DCLRE1A: variants seen among roughly 807,000 people sequenced by gnomAD.
DCLRE1A encodes DNA cross-link repair 1A.
In DCLRE1A, 64 loss-of-function variants were observed where a neutral mutation model predicts 91.9. The ratio of observed to expected loss-of-function variants is 0.70; its 90% CI spans 0.57 to 0.86. The LOEUF (loss-of-function observed/expected upper bound fraction) is 0.86, where lower values mean the gene tolerates loss of function less well. Ranked by LOEUF, DCLRE1A falls within the 40% of genes least tolerant of loss-of-function variation. The probability of loss-of-function intolerance (pLI) is 0.00; values close to 1 mark genes in which losing one functional copy is unlikely to be tolerated. For missense variants in DCLRE1A, 1,145 were observed against 1,213.3 expected (o/e 0.94, Z 0.84); for synonymous variants, 416 against 431.1 (o/e 0.96, Z 0.43).
Position 113,845,747 on chromosome 10 carries a change from T to C in DCLRE1A, c.2316A>G (p.Pro772=). 1 of 1,614,150 alleles carries C rather than the reference T, an allele frequency of 6.2e-7. No individual in the cohort carries two copies. The highest frequency in any genetic ancestry group is 1.3e-5 in the African/African-American group (1 of 75,048). The part of the protein sequence containing the change: ...KLHVQEQYIH[P]LPLDTECIVN... The stretch of plus-strand genomic sequence containing the variant: ...CAATACATTCAGTGTCCAGTGGCAA[T>C]GGGTGAATATATTGTTCTTGCACAT... Residue 772 remains proline, a synonymous_variant, in exon 4 of 9, where the codon CCA becomes CCG. Transcript: ENST00000361384.
Position 113,850,593 on chromosome 10 carries a change from C to A in DCLRE1A, c.512G>T (p.Arg171Ile). The A allele has an allele frequency of 6.2e-7, 1 of 1,613,808 alleles. No individual in the cohort carries two copies. The highest frequency in any genetic ancestry group is 1.1e-5 in the South Asian group (1 of 91,046). Residue 171 changes from arginine to isoleucine, a missense_variant, in exon 2 of 9, where the codon AGA (arginine) becomes ATA (isoleucine). Arg to Ile is a moderately conservative substitution (Grantham distance 97). Transcript: ENST00000361384. Reference sequence around the variant, plus strand: ...TTGAGCTAGCAGGAAGTGAGTGTATCTCTTGTAATGAAAAGGAATGGTTGA... The same window carrying A: ...TTGAGCTAGCAGGAAGTGAGTGTATATCTTGTAATGAAAAGGAATGGTTGA... ...CTSTIPFHYK[R>I]YTHFLLAQSR...
chr10:113,847,156 A>C (rs1388465286), intron 3 of DCLRE1A, 46 bp downstream of exon 3: 1 of 1,476,808 alleles, frequency 6.8e-7, no homozygotes, highest in Non-Finnish European at 9.1e-7. Context: ...TTGCTTAGAA[A>C]TTCACAGCAT....
Position 113,837,143 on chromosome 10 carries a change from G to A in DCLRE1A, c.2881C>T (p.Pro961Ser), listed in dbSNP as rs779860243. Reference protein sequence around the residue: ...GKYNQILAFRPTGWTHSNKFT... With the variant: ...GKYNQILAFRSTGWTHSNKFT... ...TTGTTAGAGTGTGTCCATCCTGTAGGTCGAAATGCCAAAATCTGATTGTAT... is the reference window on the plus strand; with the variant it reads ...TTGTTAGAGTGTGTCCATCCTGTAGATCGAAATGCCAAAATCTGATTGTAT... Residue 961 changes from proline (P) to serine (S), a missense_variant, in exon 8 of 9, where the codon CCT becomes TCT. Physicochemically the swap from Pro to Ser is moderately conservative, Grantham distance 74. Coordinates refer to ENST00000361384, the MANE Select transcript of DCLRE1A (RefSeq NM_014881.5). 12 of 1,613,394 alleles carry A rather than the reference G, an allele frequency of 7.4e-6. No homozygotes were observed. The highest frequency in any genetic ancestry group is 8.5e-7 in the Non-Finnish European group (1 of 1,179,718).
chr10:113,849,210 T>C lies in DCLRE1A; in HGVS notation c.1895A>G (p.Gln632Arg), dbSNP rs141907465. 3.1e-6 allele frequency: 5 copies of C among 1,613,978 alleles called. No individual in the cohort carries two copies. In the African/African-American group the frequency reaches 5.3e-5, roughly 17 times the overall value. Reference protein sequence around the residue: ...LSVELSSERSQRQKKRCRKSN... With the variant: ...LSVELSSERSRRQKKRCRKSN... Reference sequence around the variant, plus strand: ...CTTTCTACATCTCTTTTTTTGACGCTGTGACCTCTCACTAGAAAGTTCCAC... The same window carrying C: ...CTTTCTACATCTCTTTTTTTGACGCCGTGACCTCTCACTAGAAAGTTCCAC... The change falls in exon 2 of 9, where the codon CAG (glutamine) becomes CGG (arginine). Residue 632 changes from glutamine (Q) to arginine (R), a missense_variant. Transcript: ENST00000361384.
Position 113,834,862 on chromosome 10 carries a change from A to G in DCLRE1A, c.*290T>C, listed in dbSNP as rs935563300. 8.3e-6 allele frequency: 2 copies of G among 241,576 alleles called. No individual in the cohort carries two copies. Among genetic ancestry groups the G allele is most frequent in the African/African-American group, 4.5e-5 (2 of 44,704 alleles). The allele number at this position is 241,576 out of a possible 1,614,324, so 15.0% of individuals were successfully genotyped here. A position where few individuals can be genotyped will look rare whatever the true frequency, so the allele number is the denominator to read the frequency against. ...TATCATTAATCCTTTTGGTCCCTGA[A>G]TCTGCCTTTGCTTCCTCTTCTAAGG... On this transcript the variant is annotated 3_prime_UTR_variant, in exon 9 of 9. Transcript: ENST00000361384.
rs1845630975 is a variant in DCLRE1A, at chr10:113,850,510, T to C, written c.595A>G (p.Ser199Gly). 6.2e-7 allele frequency: 1 copy of C among 1,614,106 alleles called. No homozygotes were observed. Among genetic ancestry groups the C allele is most frequent in the African/African-American group, 1.3e-5 (1 of 75,058 alleles). ...CAAAGGACGCCTGACTTAGTCTCAC[T>C]GAAACTGCCACCTGACGCAGGTGAT... ...SPSPASGGSF[S>G]ETKSGVLCSL... The change falls in exon 2 of 9, where the codon AGT becomes GGT. Residue 199 changes from serine (S) to glycine (G), a missense_variant. Physicochemically the swap from Ser to Gly is moderately conservative, Grantham distance 56. Coordinates refer to ENST00000361384, the MANE Select transcript of DCLRE1A (RefSeq NM_014881.5).
chr10:113,853,492 G>C lies in DCLRE1A; in HGVS notation c.-310C>G. 1 of 219,688 alleles carries C rather than the reference G, an allele frequency of 4.6e-6. No individual in the cohort carries two copies. The highest frequency in any genetic ancestry group is 1.1e-4 in the East Asian group (1 of 9,364). 13.6% of individuals were successfully genotyped at this position (219,688 alleles called of 1,614,324 possible). A position where few individuals can be genotyped will look rare whatever the true frequency, so the allele number is the denominator to read the frequency against. On this transcript the variant is annotated 5_prime_UTR_variant, in exon 1 of 9. Coordinates refer to ENST00000361384, the MANE Select transcript of DCLRE1A (RefSeq NM_014881.5). The stretch of plus-strand genomic sequence containing the variant: ...CATTCAAATATCTTGTCCTTTTCCA[G>C]GGCTTGATTCATAAAAATAATACTT...
At chr10:113,848,373 G>C (rs1845576900) in intron 2 of DCLRE1A, among the ~76,000 whole-genome samples, 1 of 152,078 alleles carries the variant, frequency 6.6e-6, no homozygotes, top group South Asian at 2.1e-4. Flanking sequence ...AAACACCACT[G>C]ATGTTATGAA....
chr10:113,837,270 A>G, intron 7 of DCLRE1A, 67 bp from the exon 8 acceptor site: 1 of 1,459,422 alleles, frequency 6.9e-7, no homozygotes, highest in Non-Finnish European at 9.2e-7. Flanking sequence ...CAGACTGATT[A>G]AAGATGTTAT....
At position 113,839,361 on chromosome 10, in the gene DCLRE1A, G is replaced by A. The variant is rs567182449; in HGVS notation, c.2820+2045C>T. On this transcript the variant is annotated intron_variant, in intron 7 of 8. Transcript: ENST00000361384. ...AAAAAAAAAAAAAAAGAAATCTTCC[G>A]AAAATATTTGGGTAAATGAGGGACA... 6.8e-4 allele frequency among the ~76,000 whole-genome samples: 96 copies of A among 140,578 alleles called. No homozygotes were observed. In the South Asian group the frequency reaches 7.8e-3, roughly 11 times the overall value. The allele number at this position is 140,578 out of a possible 152,430, so 92.2% of individuals were successfully genotyped here. A position where few individuals can be genotyped will look rare whatever the true frequency, so the allele number is the denominator to read the frequency against.
chr10:113,852,860 T>C lies in DCLRE1A; in HGVS notation c.323A>G (p.Gln108Arg), dbSNP rs1845679755. 6.2e-7 allele frequency: 1 copy of C among 1,614,058 alleles called. No individual in the cohort carries two copies. Among genetic ancestry groups the C allele is most frequent in the Non-Finnish European group, 8.5e-7 (1 of 1,180,030 alleles). ...PGKLCRTQKS[Q>R]HVSPKIRPVY... The stretch of plus-strand genomic sequence containing the variant: ...TGGACGTATCTTTGGGGACACGTGT[T>C]GGCTTTTTTGAGTTCTACAGAGTTT... Residue 108 changes from glutamine to arginine, a missense_variant, in exon 1 of 9, where the codon CAA (glutamine) becomes CGA (arginine). Transcript: ENST00000361384.
intron 1 of DCLRE1A, among the ~76,000 whole-genome samples, chr10:113,851,695 A>G (rs978170540): frequency 3.3e-5 from 5 of 151,528 alleles, no homozygotes; most frequent in Non-Finnish European, 5.9e-5. Flanking sequence ...AAACATAACC[A>G]TATTTAGAAA....
chr10:113,838,694 G>A (rs923532901), intron 7 of DCLRE1A, among the ~76,000 whole-genome samples: 1 of 152,112 alleles, frequency 6.6e-6, no homozygotes, highest in African/African-American at 2.4e-5. Context: ...AACACTTTTA[G>A]CAATGTTACT....
At chr10:113,838,430 AT>A (rs757533737) in intron 7 of DCLRE1A, among the ~76,000 whole-genome samples, 1 of 152,224 alleles carries the variant, frequency 6.6e-6, no homozygotes, top group South Asian at 2.1e-4. Flanking sequence ...ATGATAACTA[AT>A]ATTTGCTTTT....
Position 113,847,201 on chromosome 10 carries a change from C to A in DCLRE1A, c.2259+1G>T. On this transcript the variant is annotated splice_donor_variant, in intron 3 of 8. Transcript: ENST00000361384. LOFTEE classifies it high-confidence loss of function. ...TCAAAAGTTAGAATACTAAAACTTACCTCACTACAATAAACTGGAAATGTG... is the reference window on the plus strand; with the variant it reads ...TCAAAAGTTAGAATACTAAAACTTAACTCACTACAATAAACTGGAAATGTG... The A allele has an allele frequency of 6.3e-7, 1 of 1,596,598 alleles. No individual in the cohort carries two copies. The highest frequency in any genetic ancestry group is 1.3e-5 in the African/African-American group (1 of 74,794).
At chr10:113,839,108 G>C (rs906725852) in intron 7 of DCLRE1A, among the ~76,000 whole-genome samples, 1 of 152,014 alleles carries the variant, frequency 6.6e-6, no homozygotes, top group East Asian at 1.9e-4. Context: ...GGCAGATCAC[G>C]AGGTCAGGAG....
Position 113,849,714 on chromosome 10 carries a change from A to C in DCLRE1A, c.1391T>G (p.Leu464Ter). 1.2e-6 allele frequency: 2 copies of C among 1,614,206 alleles called. No homozygotes were observed. Among genetic ancestry groups the C allele is most frequent in the Non-Finnish European group, 1.7e-6 (2 of 1,180,032 alleles). The stretch of plus-strand genomic sequence containing the variant: ...CTGACTTTCAAAAGGTTTCAACATT[A>C]AACTCTTAACTAACGGAAGAGAAAC... Reference protein sequence around the residue: ...NQVSLPLVKSLMLKPFESQVE... With the variant: ...NQVSLPLVKS The change falls in exon 2 of 9, where the codon TTA (leucine) becomes TGA (stop). Residue 464 changes from leucine (L) to a stop codon, truncating the protein, a stop_gained. Transcript: ENST00000361384. LOFTEE classifies it high-confidence loss of function.
rs1467581209 is a variant in DCLRE1A, at chr10:113,852,870, G to C, written c.313C>G (p.Gln105Glu). Residue 105 changes from glutamine (Q) to glutamate (E), a missense_variant, in exon 1 of 9, where the codon CAA (glutamine) becomes GAA (glutamate). Coordinates refer to ENST00000361384, the MANE Select transcript of DCLRE1A (RefSeq NM_014881.5). ...TTTGGGGACACGTGTTGGCTTTTTT[G>C]AGTTCTACAGAGTTTTCCTGGAGTA... ...ETTPGKLCRT[Q>E]KSQHVSPKIR... 1 of 1,614,122 alleles carries C rather than the reference G, an allele frequency of 6.2e-7. No individual in the cohort carries two copies. Among genetic ancestry groups the C allele is most frequent in the East Asian group, 2.2e-5 (1 of 44,872 alleles).
At chr10:113,852,368 T>C (rs1380411426) in intron 1 of DCLRE1A, among the ~76,000 whole-genome samples, 1 of 152,230 alleles carries the variant, frequency 6.6e-6, no homozygotes, top group Non-Finnish European at 1.5e-5. Context: ...ACAAGTTATC[T>C]GACTTTTAAG....
Sources: allele counts gnomAD v4.1 joint callset (sites outside exome capture counted in the v4.1 genomes callset), GRCh38; gene constraint gnomAD v4.1.1; transcripts MANE v1.5; gene names NCBI Gene and HGNC (gene_info 2026-07-23, HGNC 2026-07-21).